Variants in VAPA observed in about 807,000 individuals in gnomAD.
VAPA encodes VAMP associated protein A.
In VAPA, 6 loss-of-function variants were observed where a neutral mutation model predicts 25.6. That is an observed-to-expected ratio of 0.23 (90% CI 0.13 to 0.46). The LOEUF (loss-of-function observed/expected upper bound fraction) is 0.46, where lower values mean the gene tolerates loss of function less well. Among genes scored for constraint, VAPA ranks in the 20% least tolerant of loss-of-function variants. The probability of loss-of-function intolerance (pLI) is 0.99; values close to 1 mark genes in which losing one functional copy is unlikely to be tolerated. For missense variants in VAPA, 244 were observed against 302.1 expected (o/e 0.81, Z 1.43); for synonymous variants, 112 against 106.2 (o/e 1.05, Z -0.34).
At chr18:9,927,604 G>A (rs1156324405) in intron 1 of VAPA, among the ~76,000 whole-genome samples, 4 of 151,922 alleles carry the variant, frequency 2.6e-5, no homozygotes, top group Admixed American at 6.6e-5. Flanking sequence ...TACACATATG[G>A]ACTGACTAAA....
At chr18:9,948,960 G>C (rs1676721958) in intron 4 of VAPA, 1 of 152,020 alleles carries the variant, frequency 6.6e-6, no homozygotes, top group Non-Finnish European at 1.5e-5. Flanking sequence ...TTGCCATATT[G>C]GTGGCCATTG....
intron 5 of VAPA, 44 bp from the exon 6 acceptor site, chr18:9,954,009 A>G (rs1399222650): frequency 4.4e-6 from 7 of 1,608,636 alleles, no homozygotes; most frequent in African/African-American, 2.7e-5. Context: ...TCTCGTTAGT[A>G]TGCTTGTTTT....
intron 3 of VAPA, chr18:9,936,574 CAAAAA>C (rs1052019093): frequency 5.1e-6 from 1 of 196,556 alleles, no homozygotes; most frequent in Non-Finnish European, 1.0e-5. Context: ...AAACAAAAAA[CAAAAA>C]AAACCACCAC....
chr18:9,950,083 G>T (rs141702122), intron 4 of VAPA: 68 of 246,988 alleles, frequency 2.8e-4, no homozygotes, highest in African/African-American at 1.5e-3. Flanking sequence ...CTTGACCAAA[G>T]TGCTGGTTTT....
intron 1 of VAPA, among the ~76,000 whole-genome samples, chr18:9,922,675 C>T (rs2069167380): frequency 6.6e-6 from 1 of 151,906 alleles, no homozygotes; most frequent in African/African-American, 2.4e-5. Context: ...GGAGACAAAA[C>T]AGTGGCTAAT....
At chr18:9,925,218 C>T (rs2069190115) in intron 1 of VAPA, 1 of 151,946 alleles carries the variant, frequency 6.6e-6, no homozygotes, top group African/African-American at 2.4e-5. Flanking sequence ...CATTCTGAAA[C>T]TGTTGATTGT....
intron 1 of VAPA, among the ~76,000 whole-genome samples, chr18:9,930,690 C>CT (rs138955028): frequency 0.12 from 18,220 of 148,948 alleles, 1,130 homozygotes; most frequent in South Asian, 0.19. Context: ...CATATGTATG[C>CT]TTTTTTTTTA....
intron 5 of VAPA, 51 bp downstream of exon 5, chr18:9,950,619 T>C: frequency 6.4e-7 from 1 of 1,572,146 alleles, no homozygotes. Flanking sequence ...GTATAGGACA[T>C]GTGAGTGTTA....
At chr18:9,949,412 A>G (rs29118) in intron 4 of VAPA, 10,211 of 152,264 alleles carry the variant, frequency 0.067, 374 homozygotes, top group South Asian at 0.16. Context: ...AAGAATAACA[A>G]GTTTTGCCCT....
At chr18:9,922,578 G>A (rs1436878430) in intron 1 of VAPA, among the ~76,000 whole-genome samples, 1 of 152,088 alleles carries the variant, frequency 6.6e-6, no homozygotes, top group African/African-American at 2.4e-5. Context: ...GCTGGTGACT[G>A]ACCAGTCAAA....
In VAPA at chr18:9,954,087, C is replaced by T. The variant is rs139402315; in HGVS notation, c.626C>T (p.Ser209Leu). The change falls in exon 6 of 6, where the codon TCG (serine) becomes TTG (leucine). Residue 209 changes from serine (S) to leucine (L), a missense_variant. By Grantham distance (145) the Ser-to-Leu change is moderately radical. This residue lies in a region of VAPA where 145 missense variants were observed against 140.6 expected (regional missense o/e 1.03). Transcript: ENST00000400000. ...EGLRLRKVAHSDKPGSTSTAS... is the reference protein window; with the variant it reads ...EGLRLRKVAHLDKPGSTSTAS... ...TTAAGGCTCAGAAAGGTAGCACATT[C>T]GGATAAACCTGGATCAACCTCAACT... 55 of 1,614,012 alleles carry T rather than the reference C, an allele frequency of 3.4e-5. No individual in the cohort carries two copies. The highest frequency in any genetic ancestry group is 6.7e-5 in the African/African-American group (5 of 75,020).
At chr18:9,930,214 ATAAT>A (rs1229003160) in intron 1 of VAPA, among the ~76,000 whole-genome samples, 3 of 152,178 alleles carry the variant, frequency 2.0e-5, no homozygotes, top group African/African-American at 4.8e-5. Flanking sequence ...TGTAATTAAA[ATAAT>A]TAGGCATTCA....
intron 4 of VAPA, among the ~76,000 whole-genome samples, chr18:9,944,263 A>G (rs1001994968): frequency 1.3e-5 from 2 of 152,164 alleles, no homozygotes; most frequent in African/African-American, 4.8e-5. Context: ...GGGTCTTATC[A>G]TAAAATGGTT....
In VAPA at chr18:9,954,344, T is replaced by C. The variant is rs644481; in HGVS notation, c.*133T>C. ...TGTGTGTACAGCGTCATATAGGCTT[T>C]GCCTTTAATGATCTCTTACGGTTAG... is the stretch of plus-strand genomic sequence containing the variant. On this transcript the variant is annotated 3_prime_UTR_variant, in exon 6 of 6. Coordinates refer to ENST00000400000, the MANE Select transcript of VAPA (RefSeq NM_194434.3). 210 of 746,960 alleles carry C rather than the reference T, an allele frequency of 2.8e-4. No individual in the cohort carries two copies. The African/African-American group carries it at 3.3e-3, about 12-fold the overall frequency. The allele number at this position is 746,960 out of a possible 1,614,324, so 46.3% of individuals were successfully genotyped here.
At chr18:9,924,731 A>G (rs1328205879) in intron 1 of VAPA, among the ~76,000 whole-genome samples, 1 of 152,202 alleles carries the variant, frequency 6.6e-6, no homozygotes, top group Non-Finnish European at 1.5e-5. Context: ...ACAATGTCAC[A>G]TGACATGAGA....
In VAPA at chr18:9,957,108, T is replaced by C. The variant is rs1342883301; in HGVS notation, c.*2897T>C. On this transcript the variant is annotated 3_prime_UTR_variant, in exon 6 of 6. Transcript: ENST00000400000. ...GGGCAGTGGTGTGATCTCACCTCAC[T>C]GCAGCTTCCGCCTCCTGGGTTCAAG... 1.9e-4 allele frequency: 29 copies of C among 152,130 alleles called. No homozygotes were observed. Among genetic ancestry groups the C allele is most frequent in the Admixed American group, 1.9e-3 (29 of 15,260 alleles). 9.4% of individuals were successfully genotyped at this position (152,130 alleles called of 1,614,324 possible). A position where few individuals can be genotyped will look rare whatever the true frequency, so the allele number is the denominator to read the frequency against.
chr18:9,934,684 A>G (rs2069290030), intron 2 of VAPA, among the ~76,000 whole-genome samples: 1 of 152,108 alleles, frequency 6.6e-6, no homozygotes. Context: ...CTATAATGCC[A>G]TGTACATATT....
At chr18:9,948,461 C>T (rs1236379314) in intron 4 of VAPA, 1 of 152,054 alleles carries the variant, frequency 6.6e-6, no homozygotes, top group African/African-American at 2.4e-5. Context: ...TTTTTCCCTT[C>T]CCTCCGTAAT....
rs869048248 is a variant in VAPA, at chr18:9,945,350, CTTTTTTTTTTTT to C, written c.418-5028_418-5017del. On this transcript the variant is annotated intron_variant, in intron 4 of 5. Coordinates refer to ENST00000400000, the MANE Select transcript of VAPA (RefSeq NM_194434.3). Reference sequence around the variant, plus strand: ...TTCTTTGAGATTTGGGGAATATACTCTTTTTTTTTTTTTTTTTTTTTTTTTTTTGAGATGGAG... The same window carrying C: ...TTCTTTGAGATTTGGGGAATATACTCTTTTTTTTTTTTTTTTGAGATGGAG... 2.8e-3 allele frequency among the ~76,000 whole-genome samples: 163 copies of C among 57,314 alleles called. 2 individuals carry two copies. Among genetic ancestry groups the C allele is most frequent in the Non-Finnish European group, 2.9e-3 (99 of 34,436 alleles). The allele number at this position is 57,314 out of a possible 152,430, so 37.6% of individuals were successfully genotyped here.
Sources: gnomAD v4.1 joint callset for allele counts (sites outside exome capture counted in the v4.1 genomes callset) on GRCh38, gnomAD v4.1.1 for gene constraint, gnomAD v4.1.1 regional missense constraint, MANE v1.5 for transcripts, NCBI Gene and HGNC (gene_info 2026-07-23, HGNC 2026-07-21) for gene names.